The following CDX4 variants were observed in gnomAD, a reference collection of about 807,000 sequenced individuals.
CDX4 encodes the protein homeobox protein CDX-4.
Under a neutral mutation model 14.1 loss-of-function variants are expected in CDX4, and 11 were observed. That is an observed-to-expected ratio of 0.78 (90% CI 0.49 to 1.29). The LOEUF is 1.29. Ranked by LOEUF, CDX4 falls within the 50% of genes most tolerant of loss-of-function variation. The probability of loss-of-function intolerance (pLI) is 0.00; values close to 1 mark genes in which losing one functional copy is unlikely to be tolerated. For missense variants in CDX4, 257 were observed against 237.4 expected (o/e 1.08, Z -0.54); for synonymous variants, 100 against 93.5 (o/e 1.07, Z -0.40).
At position 73,453,524 on chromosome X, in the gene CDX4, C is replaced by A; in HGVS notation, c.510C>A (p.Thr170=). 1.7e-6 allele frequency: 2 copies of A among 1,196,535 alleles called. No individual in the cohort carries two copies. The highest frequency in any genetic ancestry group is 2.3e-6 in the Non-Finnish European group (2 of 888,148). The change falls in exon 2 of 3, where the codon ACC becomes ACA. Residue 170 remains threonine, a synonymous_variant. Coordinates refer to ENST00000373514, the MANE Select transcript of CDX4 (RefSeq NM_005193.2). ...TGCTTTCTCTCCTAACAGGGAAAAC[C>A]AGGACAAAAGAAAAGTATCGTGTAG... The part of the protein sequence containing the change: ...MRKTVQVTGK[T]RTKEKYRVVY...
At chrX:73,453,180 C>T (rs935941888) in intron 1 of CDX4, among the ~76,000 whole-genome samples, 1 of 111,208 alleles carries the variant, frequency 9.0e-6, no homozygotes, top group Admixed American at 9.5e-5. Context: ...CAATGCTCTG[C>T]TGTGAAAATA....
Position 73,447,196 on chromosome X carries a change from G to A in CDX4, c.-58G>A, listed in dbSNP as rs2057072600. The A allele has an allele frequency of 8.7e-7, 1 of 1,143,629 alleles. No homozygotes were observed. The highest frequency in any genetic ancestry group is 1.2e-6 in the Non-Finnish European group (1 of 851,919). The allele number at this position is 1,143,629 out of a possible 1,213,427, so 94.2% of individuals were successfully genotyped here. ...ATTCTCTGCTGCTTCTCAAAGTCGA[G>A]TTGGGGCCTTACAGGGACTTCAGGA... On this transcript the variant is annotated 5_prime_UTR_variant, in exon 1 of 3. Transcript: ENST00000373514.
At chrX:73,453,247 A>G (rs768616161) in intron 1 of CDX4, among the ~76,000 whole-genome samples, 2 of 111,625 alleles carry the variant, frequency 1.8e-5, no homozygotes, top group South Asian at 7.6e-4. Flanking sequence ...CATTAATTAA[A>G]GAGATGTTGG....
At chrX:73,452,666 C>T (rs969037365) in intron 1 of CDX4, among the ~76,000 whole-genome samples, 7 of 111,410 alleles carry the variant, frequency 6.3e-5, no homozygotes, top group African/African-American at 2.0e-4. Flanking sequence ...AAGACTCCCA[C>T]ATAAAAACTA....
At chrX:73,448,237 C>T (rs1489302395) in intron 1 of CDX4, among the ~76,000 whole-genome samples, 1 of 110,339 alleles carries the variant, frequency 9.1e-6, no homozygotes, top group Non-Finnish European at 1.9e-5. Flanking sequence ...TGGTGATGCT[C>T]AATTTAGGTT....
chrX:73,448,993 A>G, intron 1 of CDX4, among the ~76,000 whole-genome samples: 1 of 112,171 alleles, frequency 8.9e-6, no homozygotes, highest in East Asian at 2.8e-4. Context: ...TCTGTGTATT[A>G]GAACCTCACT....
In CDX4 at chrX:73,447,420, A is replaced by C. The variant is rs1401163615; in HGVS notation, c.167A>C (p.Tyr56Ser). The C allele has an allele frequency of 5.0e-6, 6 of 1,208,301 alleles. No homozygotes were observed. The African/African-American group carries it at 1.1e-4, about 21-fold the overall frequency. The change falls in exon 1 of 3, where the codon TAT (tyrosine) becomes TCT (serine). Residue 56 changes from tyrosine (Y) to serine (S), a missense_variant. Physicochemically the swap from Tyr to Ser is moderately radical, Grantham distance 144. Transcript: ENST00000373514. ...AAPAFSHYMG[Y>S]PHMPSMDPHW... The stretch of plus-strand genomic sequence containing the variant: ...CCGGCTTTCTCGCACTATATGGGGT[A>C]TCCTCATATGCCCAGCATGGATCCT...
chrX:73,450,700 T>C (rs1368223831), intron 1 of CDX4, among the ~76,000 whole-genome samples: 6 of 111,931 alleles, frequency 5.4e-5, no homozygotes, highest in Non-Finnish European at 1.1e-4. Context: ...AAAAATGAAT[T>C]TGGATGCAAT....
intron 2 of CDX4, 84 bp from the exon 3 acceptor site, chrX:73,454,295 G>A (rs1434427934): frequency 1.3e-5 from 8 of 635,054 alleles, no homozygotes; most frequent in African/African-American, 6.7e-5. Flanking sequence ...CATATGAAAG[G>A]GCTTTGTAAA....
chrX:73,447,299 G>T lies in CDX4; in HGVS notation c.46G>T (p.Gly16Cys). The change falls in exon 1 of 3, where the codon GGC becomes TGC. Residue 16 changes from glycine (G) to cysteine (C), a missense_variant. Coordinates refer to ENST00000373514, the MANE Select transcript of CDX4 (RefSeq NM_005193.2). ...GGAGAAAGAAGCAGGCATGTACCCG[G>T]GCACTCTCATGAGCCCTGGGGGCGA... ...LLEKEAGMYPGTLMSPGGDGT... is the reference protein window; with the variant it reads ...LLEKEAGMYPCTLMSPGGDGT... 8.3e-7 allele frequency: 1 copy of T among 1,211,192 alleles called. No individual in the cohort carries two copies. Among genetic ancestry groups the T allele is most frequent in the Non-Finnish European group, 1.1e-6 (1 of 895,084 alleles).
chrX:73,454,566 A>T lies in CDX4; in HGVS notation c.836A>T (p.Gln279Leu). The T allele has an allele frequency of 8.3e-7, 1 of 1,205,853 alleles. No homozygotes were observed. Among genetic ancestry groups the T allele is most frequent in the Non-Finnish European group, 1.1e-6 (1 of 890,964 alleles). ...GGATTTCAACCTATTGAGATACAGC[A>T]GGTTATAGTCTCCGAATGAAAGAAA... Reference protein sequence around the residue: ...VRGFQPIEIQQVIVSE With the variant: ...VRGFQPIEIQLVIVSE Residue 279 changes from glutamine to leucine, a missense_variant, in exon 3 of 3, where the codon CAG becomes CTG. By Grantham distance (113) the Gln-to-Leu change is moderately radical. Transcript: ENST00000373514.
Position 73,447,417 on chromosome X carries a change from G to A in CDX4, c.164G>A (p.Gly55Glu). 8.3e-7 allele frequency: 1 copy of A among 1,211,077 alleles called. No individual in the cohort carries two copies. The highest frequency in any genetic ancestry group is 1.1e-6 in the Non-Finnish European group (1 of 895,115). The change falls in exon 1 of 3, where the codon GGG becomes GAG. Residue 55 changes from glycine (G) to glutamate (E), a missense_variant. Physicochemically the swap from Gly to Glu is moderately conservative, Grantham distance 98. Coordinates refer to ENST00000373514, the MANE Select transcript of CDX4 (RefSeq NM_005193.2). ...GCACCGGCTTTCTCGCACTATATGG[G>A]GTATCCTCATATGCCCAGCATGGAT... ...AAAPAFSHYM[G>E]YPHMPSMDPH...
At chrX:73,452,774 G>A (rs1464706582) in intron 1 of CDX4, among the ~76,000 whole-genome samples, 2 of 111,483 alleles carry the variant, frequency 1.8e-5, no homozygotes, top group Non-Finnish European at 3.8e-5. Context: ...CAAACTCTAG[G>A]AAATTATGTA....
rs1325627457 is a variant in CDX4 at position 73,447,349 on chromosome X, A to G, written c.96A>G (p.Thr32=). The change falls in exon 1 of 3, where the codon ACA becomes ACG. Residue 32 remains threonine, a synonymous_variant. Transcript: ENST00000373514. ...GGDGTAGTGG[T]GGGGSPMPAS... The stretch of plus-strand genomic sequence containing the variant: ...ACGGCACAGCTGGGACAGGCGGCAC[A>G]GGGGGCGGTGGGAGTCCGATGCCAG... The G allele has an allele frequency of 8.3e-7, 1 of 1,211,203 alleles. No homozygotes were observed. Among genetic ancestry groups the G allele is most frequent in the Non-Finnish European group, 1.1e-6 (1 of 895,277 alleles).
Position 73,454,708 on chromosome X carries a change from A to G in CDX4, c.*123A>G. On this transcript the variant is annotated 3_prime_UTR_variant, in exon 3 of 3. Coordinates refer to ENST00000373514, the MANE Select transcript of CDX4 (RefSeq NM_005193.2). ...GTAAGGCAGTATTTGGAACAGATGGATGCACAATGGGTTGAAGATAATTTA... is the reference window on the plus strand; with the variant it reads ...GTAAGGCAGTATTTGGAACAGATGGGTGCACAATGGGTTGAAGATAATTTA... The G allele has an allele frequency of 2.1e-6, 1 of 478,902 alleles. No individual in the cohort carries two copies. The highest frequency in any genetic ancestry group is 3.6e-6 in the Non-Finnish European group (1 of 280,819). 39.5% of individuals were successfully genotyped at this position (478,902 alleles called of 1,213,427 possible).
At chrX:73,449,875 T>C (rs1229211339) in intron 1 of CDX4, among the ~76,000 whole-genome samples, 1 of 111,275 alleles carries the variant, frequency 9.0e-6, no homozygotes, top group African/African-American at 3.3e-5. Context: ...GGACATCAGG[T>C]TATAAACCCC....
chrX:73,451,178 A>G (rs917920426), intron 1 of CDX4, among the ~76,000 whole-genome samples: 4 of 111,813 alleles, frequency 3.6e-5, no homozygotes, highest in Non-Finnish European at 7.5e-5. Context: ...TAGTTCTGTT[A>G]GTGCTATTTT....
chrX:73,453,539 G>A lies in CDX4; in HGVS notation c.525G>A (p.Lys175=). ...CAGGGAAAACCAGGACAAAAGAAAA[G>A]TATCGTGTAGTTTACACTGATCATC... ...QVTGKTRTKE[K]YRVVYTDHQR... The change falls in exon 2 of 3, where the codon AAG becomes AAA. Residue 175 remains lysine (K), a synonymous_variant. Coordinates refer to ENST00000373514, the MANE Select transcript of CDX4 (RefSeq NM_005193.2). 8.3e-7 allele frequency: 1 copy of A among 1,200,197 alleles called. No homozygotes were observed. Among genetic ancestry groups the A allele is most frequent in the Non-Finnish European group, 1.1e-6 (1 of 888,951 alleles).
intron 1 of CDX4, among the ~76,000 whole-genome samples, chrX:73,452,005 C>T (rs939882811): frequency 4.5e-5 from 5 of 111,058 alleles, no homozygotes; most frequent in Non-Finnish European, 7.6e-5. Context: ...CTGACTGGAC[C>T]GCATAGTTTT....
Sources: gnomAD v4.1 joint callset for allele counts (sites outside exome capture counted in the v4.1 genomes callset) on GRCh38, gnomAD v4.1.1 for gene constraint, MANE v1.5 for transcripts, NCBI Gene and HGNC (gene_info 2026-07-23, HGNC 2026-07-21) for gene names.